The following SGCG variants were observed in gnomAD, a reference collection of about 807,000 sequenced individuals.
SGCG encodes sarcoglycan gamma, also known as gamma-sarcoglycan.
SGCG carries 26 observed loss-of-function variants against 29.3 expected under a neutral mutation model. That is an observed-to-expected ratio of 0.89 (90% confidence interval 0.65 to 1.23). The LOEUF (loss-of-function observed/expected upper bound fraction) is 1.23, where lower values mean the gene tolerates loss of function less well. SGCG is among the 50% of genes most tolerant of loss of function. The pLI, the probability that SGCG is intolerant of heterozygous loss-of-function variation, is 0.00. For synonymous variants in SGCG, 145 were observed against 129.7 expected (o/e 1.12, Z -0.80); for missense variants, 353 against 356.0 (o/e 0.99, Z 0.07).
intron 1 of SGCG, among the ~76,000 whole-genome samples, chr13:23,183,603 A>T (rs867932953): frequency 6.6e-6 from 1 of 152,206 alleles, no homozygotes; most frequent in South Asian, 2.1e-4. Context: ...TACCTTTCCC[A>T]TGAAAATCTT....
At chr13:23,264,049 T>G (rs1197997647) in intron 4 of SGCG, among the ~76,000 whole-genome samples, 3 of 152,078 alleles carry the variant, frequency 2.0e-5, no homozygotes, top group African/African-American at 4.8e-5. Context: ...TTTCACCACT[T>G]GTATTCAACA....
intron 3 of SGCG, among the ~76,000 whole-genome samples, chr13:23,240,629 A>G (rs1467772896): frequency 1.3e-5 from 2 of 152,228 alleles, no homozygotes; most frequent in African/African-American, 4.8e-5. Flanking sequence ...ATCTGACCAT[A>G]GTGGGTTTAA....
chr13:23,310,231 C>T (rs542488206), intron 6 of SGCG, among the ~76,000 whole-genome samples: 72 of 151,768 alleles, frequency 4.7e-4, no homozygotes, highest in Middle Eastern at 3.4e-3. Flanking sequence ...GGACTACAGG[C>T]GCCCGCCACC....
intron 1 of SGCG, among the ~76,000 whole-genome samples, chr13:23,184,460 A>G (rs1876889154): frequency 6.6e-6 from 1 of 152,128 alleles, no homozygotes; most frequent in Non-Finnish European, 1.5e-5. Context: ...TATAAAATAG[A>G]TTACAGGCTA....
At chr13:23,195,531 G>T (rs9317547) in intron 1 of SGCG, among the ~76,000 whole-genome samples, 2 of 151,366 alleles carry the variant, frequency 1.3e-5, no homozygotes, top group African/African-American at 2.4e-5. Flanking sequence ...TCTCTTTTCA[G>T]GTCTGTTAGA....
chr13:23,317,171 G>T (rs963149351), intron 6 of SGCG, among the ~76,000 whole-genome samples: 2 of 151,480 alleles, frequency 1.3e-5, no homozygotes, highest in African/African-American at 4.8e-5. Flanking sequence ...CTGCAGCCTG[G>T]GCAACAGAGT....
At chr13:23,183,856 C>T (rs530543037) in intron 1 of SGCG, among the ~76,000 whole-genome samples, 2 of 151,910 alleles carry the variant, frequency 1.3e-5, no homozygotes, top group South Asian at 2.1e-4. Flanking sequence ...TTAGTAGAGA[C>T]GGAGTTTCAC....
At chr13:23,198,126 T>C (rs1447792543) in intron 1 of SGCG, among the ~76,000 whole-genome samples, 3 of 152,222 alleles carry the variant, frequency 2.0e-5, no homozygotes, top group Non-Finnish European at 2.9e-5. Context: ...AGTTCTTAGA[T>C]AGAATTAAAT....
At chr13:23,320,836 A>G in intron 7 of SGCG, 76 bp downstream of exon 7, 1 of 1,455,606 alleles carries the variant, frequency 6.9e-7, no homozygotes, top group Non-Finnish European at 9.6e-7. Context: ...TAAAGCTATC[A>G]GTATTAAATT....
intron 6 of SGCG, among the ~76,000 whole-genome samples, chr13:23,296,018 A>G (rs962421664): frequency 6.6e-6 from 1 of 152,234 alleles, no homozygotes; most frequent in African/African-American, 2.4e-5. Context: ...AGGAGACCTC[A>G]TGAATGTCTG....
At chr13:23,262,518 AC>A (rs1880479331) in intron 4 of SGCG, among the ~76,000 whole-genome samples, 1 of 152,026 alleles carries the variant, frequency 6.6e-6, no homozygotes, top group Non-Finnish European at 1.5e-5. Context: ...AAAAATTACT[AC>A]TATACCTAAG....
Position 23,256,887 on chromosome 13 carries a change from T to A in SGCG, c.385+6170T>A, listed in dbSNP as rs574391387. Among the ~76,000 whole-genome samples the A allele has an allele frequency of 2.6e-5, 4 of 152,348 alleles. No homozygotes were observed. In the South Asian group the frequency reaches 8.3e-4, roughly 32 times the overall value. The stretch of plus-strand genomic sequence containing the variant: ...AGCATGACTTACAATCTTTTGGGTA[T>A]ATACCCAGTAATGGGATCGCTGGGT... On this transcript the variant is annotated intron_variant, in intron 4 of 7. Coordinates refer to ENST00000218867, the MANE Select transcript of SGCG (RefSeq NM_000231.3).
chr13:23,203,704 G>C lies in SGCG; in HGVS notation c.10G>C (p.Glu4Gln). The change falls in exon 2 of 8, where the codon GAG becomes CAG. Residue 4 changes from glutamate (E) to glutamine (Q), a missense_variant. By Grantham distance (29) the Glu-to-Gln change is conservative. Transcript: ENST00000218867. Reference protein sequence around the residue: MVREQYTTATEGIC... With the variant: MVRQQYTTATEGIC... ...ACACACTCCGTGGCAGATGGTGCGT[G>C]AGCAGTACACTACAGCCACAGAAGG... 6.2e-7 allele frequency: 1 copy of C among 1,612,494 alleles called. No homozygotes were observed.
At chr13:23,244,282 T>C (rs1879617511) in intron 3 of SGCG, 1 of 152,164 alleles carries the variant, frequency 6.6e-6, no homozygotes, top group Non-Finnish European at 1.5e-5. Context: ...AGGATTACGA[T>C]AACAAAGAAA....
At chr13:23,300,380 A>G (rs1382995042) in intron 6 of SGCG, among the ~76,000 whole-genome samples, 1 of 152,234 alleles carries the variant, frequency 6.6e-6, no homozygotes, top group African/African-American at 2.4e-5. Flanking sequence ...CAGGATACAT[A>G]GAGACTAGCT....
chr13:23,210,822 T>C (rs973388346), intron 2 of SGCG, among the ~76,000 whole-genome samples: 1 of 152,190 alleles, frequency 6.6e-6, no homozygotes, highest in African/African-American at 2.4e-5. Context: ...ATTTCAAAGC[T>C]AAGTGTATCC....
At chr13:23,307,320 T>G (rs1160348061) in intron 6 of SGCG, among the ~76,000 whole-genome samples, 1 of 152,238 alleles carries the variant, frequency 6.6e-6, no homozygotes, top group African/African-American at 2.4e-5. Flanking sequence ...CACAAATTTC[T>G]GTTCATTGCA....
chr13:23,228,490 A>G (rs1469470254), intron 2 of SGCG, among the ~76,000 whole-genome samples: 1 of 152,190 alleles, frequency 6.6e-6, no homozygotes, highest in Non-Finnish European at 1.5e-5. Flanking sequence ...ATACATGTGT[A>G]GGTTTGTTAT....
chr13:23,218,908 T>C, intron 2 of SGCG, among the ~76,000 whole-genome samples: 1 of 147,970 alleles, frequency 6.8e-6, no homozygotes, highest in Non-Finnish European at 1.5e-5. Flanking sequence ...AAAATAACAA[T>C]ATAAATATAT....
Sources: allele counts gnomAD v4.1 joint callset (sites outside exome capture counted in the v4.1 genomes callset), GRCh38; gene constraint gnomAD v4.1.1; transcripts MANE v1.5; gene names NCBI Gene and HGNC (gene_info 2026-07-23, HGNC 2026-07-21).